SLC25A21: variants seen among roughly 807,000 people sequenced by gnomAD.
SLC25A21 encodes mitochondrial 2-oxodicarboxylate carrier.
Under a neutral mutation model 43.8 loss-of-function variants are expected in SLC25A21, and 47 were observed. The ratio of observed to expected loss-of-function variants is 1.07; its 90% CI spans 0.85 to 1.37. The LOEUF (loss-of-function observed/expected upper bound fraction) is 1.37. Among genes scored for constraint, SLC25A21 ranks in the 40% most tolerant of loss-of-function variants. The probability of loss-of-function intolerance (pLI) is 0.00; values close to 1 mark genes in which losing one functional copy is unlikely to be tolerated. For missense variants in SLC25A21, 352 were observed against 350.2 expected, an observed-to-expected ratio of 1.00 and a Z score of -0.04; for synonymous variants, 131 against 121.3, an observed-to-expected ratio of 1.08 and a Z score of -0.52.
chr14:36,957,950 T>C (rs1959384718), intron 1 of SLC25A21, among the ~76,000 whole-genome samples: 1 of 152,242 alleles, frequency 6.6e-6, no homozygotes, highest in South Asian at 2.1e-4. Flanking sequence ...GCCTAATCTT[T>C]CCAATGGAAA....
rs2138784064 is a variant in SLC25A21, at chr14:37,041,230, T to G, written c.70+131051A>C. On this transcript the variant is annotated intron_variant, in intron 1 of 9. Transcript: ENST00000331299. ...GCAGTGGAGGGGATGTGCCTTAAACTTTCAGTAACCAAGTGCCTCTAACAG... is the reference window on the plus strand; with the variant it reads ...GCAGTGGAGGGGATGTGCCTTAAACGTTCAGTAACCAAGTGCCTCTAACAG... Among the ~76,000 whole-genome samples, 3 of 152,306 alleles carry G rather than the reference T, an allele frequency of 2.0e-5. No homozygotes were observed. The South Asian group carries it at 6.2e-4, about 32-fold the overall frequency.
chr14:36,888,207 T>C (rs17177725), intron 1 of SLC25A21, among the ~76,000 whole-genome samples: 10,996 of 152,228 alleles, frequency 0.072, 521 homozygotes, highest in East Asian at 0.17. Flanking sequence ...TTATAGTATA[T>C]GGAGGGTCAT....
chr14:36,681,798 G>T (rs1882277652), intron 9 of SLC25A21, among the ~76,000 whole-genome samples: 1 of 151,914 alleles, frequency 6.6e-6, no homozygotes, highest in African/African-American at 2.4e-5. Context: ...ATAATTATCT[G>T]CCTGTAATTT....
chr14:37,121,118 G>A (rs1258994635), intron 1 of SLC25A21, among the ~76,000 whole-genome samples: 2 of 152,164 alleles, frequency 1.3e-5, no homozygotes, highest in Non-Finnish European at 2.9e-5. Flanking sequence ...CTTTAAAAGT[G>A]ACTTTCAAAC....
intron 7 of SLC25A21, among the ~76,000 whole-genome samples, chr14:36,693,949 C>T (rs1040467900): frequency 1.3e-5 from 2 of 152,086 alleles, no homozygotes; most frequent in Non-Finnish European, 2.9e-5. Context: ...TTCTAGGGTA[C>T]ATGTGCACAA....
At position 37,093,782 on chromosome 14, in the gene SLC25A21, C is replaced by T. The variant is rs146482235; in HGVS notation, c.70+78499G>A. Among the ~76,000 whole-genome samples, 1,370 of 152,270 alleles carry T rather than the reference C, an allele frequency of 9.0e-3. 10 individuals carry two copies. The highest frequency in any genetic ancestry group is 0.012 in the Non-Finnish European group (802 of 68,018). ...TTTCTTTAACAAACAAACCATTTAA[C>T]CTGAATTTCTCTCCAACGTGGTGGG... On this transcript the variant is annotated intron_variant, in intron 1 of 9. Transcript: ENST00000331299.
chr14:36,781,832 GA>G (rs1887074532), intron 3 of SLC25A21, among the ~76,000 whole-genome samples: 1 of 152,122 alleles, frequency 6.6e-6, no homozygotes, highest in Non-Finnish European at 1.5e-5. Flanking sequence ...CTTTAGCAGG[GA>G]GTCTTATACT....
At chr14:37,022,455 T>TA (rs927750202) in intron 1 of SLC25A21, among the ~76,000 whole-genome samples, 1 of 151,932 alleles carries the variant, frequency 6.6e-6, no homozygotes, top group African/African-American at 2.4e-5. Context: ...GTCAATTCCA[T>TA]AAAAAAATCC....
At chr14:37,050,813 T>G (rs1428311681) in intron 1 of SLC25A21, among the ~76,000 whole-genome samples, 1 of 152,228 alleles carries the variant, frequency 6.6e-6, no homozygotes, top group Non-Finnish European at 1.5e-5. Context: ...AGTGAAAAGT[T>G]TGAATGGCCC....
intron 1 of SLC25A21, among the ~76,000 whole-genome samples, chr14:37,052,876 G>C (rs1244211319): frequency 6.6e-6 from 1 of 152,122 alleles, no homozygotes; most frequent in Non-Finnish European, 1.5e-5. Context: ...GGCCTCAAGT[G>C]ATCCACCTGC....
At chr14:37,145,742 C>T (rs1460884857) in intron 1 of SLC25A21, among the ~76,000 whole-genome samples, 1 of 152,098 alleles carries the variant, frequency 6.6e-6, no homozygotes, top group Non-Finnish European at 1.5e-5. Flanking sequence ...CAATCAGATA[C>T]TCTATACTTC....
intron 7 of SLC25A21, among the ~76,000 whole-genome samples, chr14:36,699,092 C>T (rs1883165831): frequency 6.6e-6 from 1 of 150,738 alleles, no homozygotes; most frequent in Non-Finnish European, 1.5e-5. Context: ...TGGTGACCTA[C>T]AGATGGGGTT....
intron 1 of SLC25A21, among the ~76,000 whole-genome samples, chr14:37,141,959 G>A (rs958056114): frequency 2.6e-5 from 4 of 152,198 alleles, no homozygotes; most frequent in African/African-American, 9.6e-5. Flanking sequence ...AGGTTCTGAT[G>A]TAGTCAGTGT....
At chr14:36,957,497 G>A (rs975572569) in intron 1 of SLC25A21, among the ~76,000 whole-genome samples, 3 of 152,162 alleles carry the variant, frequency 2.0e-5, no homozygotes, top group African/African-American at 4.8e-5. Flanking sequence ...GGAGTAGGAC[G>A]GGGTACCTCA....
chr14:36,981,823 A>T (rs1006304955), intron 1 of SLC25A21, among the ~76,000 whole-genome samples: 1 of 152,192 alleles, frequency 6.6e-6, no homozygotes, highest in Non-Finnish European at 1.5e-5. Flanking sequence ...TGTACCCTAG[A>T]ACTTAAAGTA....
intron 5 of SLC25A21, among the ~76,000 whole-genome samples, chr14:36,729,091 T>C (rs1179231697): frequency 6.6e-6 from 1 of 152,226 alleles, no homozygotes; most frequent in Non-Finnish European, 1.5e-5. Context: ...AGAGTGACTT[T>C]ATCCCAAGGG....
intron 1 of SLC25A21, among the ~76,000 whole-genome samples, chr14:37,073,863 C>T (rs183883196): frequency 6.6e-5 from 10 of 152,118 alleles, no homozygotes; most frequent in Admixed American, 1.3e-4. Context: ...TAACCATTTT[C>T]GCATATTTCT....
intron 1 of SLC25A21, chr14:37,098,543 C>A (rs934098756): frequency 2.0e-5 from 3 of 152,094 alleles, no homozygotes; most frequent in African/African-American, 7.2e-5. Flanking sequence ...TCTTTCCAAG[C>A]CAATTTTTGC....
At chr14:36,940,767 G>A (rs7156730) in intron 1 of SLC25A21, among the ~76,000 whole-genome samples, 9,298 of 152,110 alleles carry the variant, frequency 0.061, 402 homozygotes, top group Middle Eastern at 0.15. Context: ...AAGTTGGATA[G>A]AACTCTGACC....
Sources: allele counts gnomAD v4.1 joint callset (sites outside exome capture counted in the v4.1 genomes callset), GRCh38; gene constraint gnomAD v4.1.1; transcripts MANE v1.5; gene names NCBI Gene and HGNC (gene_info 2026-07-23, HGNC 2026-07-21).